Variants in EIF4G3 observed in about 807,000 individuals in gnomAD.
EIF4G3 encodes the protein eIF-4-gamma 3.
EIF4G3 carries 34 observed loss-of-function variants against 186.4 expected under a neutral mutation model. That is an observed-to-expected ratio of 0.18 (90% CI 0.14 to 0.24). The LOEUF is 0.24. Among genes scored for constraint, EIF4G3 ranks in the 10% least tolerant of loss-of-function variants. The pLI, the probability that EIF4G3 is intolerant of heterozygous loss-of-function variation, is 1.00. For synonymous variants in EIF4G3, 673 were observed against 679.5 expected, an observed-to-expected ratio of 0.99 and a Z score of 0.15; for missense variants, 1,536 against 1,948.5, an observed-to-expected ratio of 0.79 and a Z score of 3.99.
At chr1:21,095,918 T>C (rs962971715) in intron 2 of EIF4G3, among the ~76,000 whole-genome samples, 2 of 152,206 alleles carry the variant, frequency 1.3e-5, no homozygotes, top group East Asian at 1.9e-4. Flanking sequence ...GATATTCATA[T>C]GCAAAAATGA....
At chr1:20,901,374 T>C (rs775138079) in intron 15 of EIF4G3, among the ~76,000 whole-genome samples, 6 of 152,232 alleles carry the variant, frequency 3.9e-5, no homozygotes, top group East Asian at 3.9e-4. Context: ...GTACAGGTCA[T>C]CAAGAAGACA....
At chr1:20,972,972 A>G (rs776787480) in intron 11 of EIF4G3, 30 bp downstream of exon 11, 1 of 1,534,582 alleles carries the variant, frequency 6.5e-7, no homozygotes, top group South Asian at 1.2e-5. Context: ...TTTAGATTTA[A>G]AATAAGAAAA....
intron 14 of EIF4G3, among the ~76,000 whole-genome samples, chr1:20,931,444 G>A (rs537535854): frequency 5.4e-4 from 82 of 152,210 alleles, no homozygotes; most frequent in Non-Finnish European, 9.0e-4. Context: ...AGGCTTTGTG[G>A]CTCCATTTAT....
Position 21,158,075 on chromosome 1 carries a change from T to G in EIF4G3, c.-272+18100A>C, listed in dbSNP as rs898741828. On this transcript the variant is annotated intron_variant, in intron 2 of 36. Coordinates refer to ENST00000602326, the MANE Select transcript of EIF4G3 (RefSeq NM_001391906.1). ...AACTAATTTCACACTGGTGCCCTTA[T>G]GAACTGACCAAAGCCTTCAATGTCA... is the stretch of plus-strand genomic sequence containing the variant. 2.0e-5 allele frequency among the ~76,000 whole-genome samples: 3 copies of G among 152,040 alleles called. No individual in the cohort carries two copies. In the East Asian group the frequency reaches 5.8e-4, roughly 29 times the overall value.
At position 21,152,941 on chromosome 1, in the gene EIF4G3, T is replaced by C. The variant is rs1018731790; in HGVS notation, c.-272+23234A>G. On this transcript the variant is annotated intron_variant, in intron 2 of 36. Transcript: ENST00000602326. The stretch of plus-strand genomic sequence containing the variant: ...GTTCGAGGCTACAGTGAGCTGTGAC[T>C]GTATCTGTGAATAGCCACTGCACTC... Among the ~76,000 whole-genome samples the C allele has an allele frequency of 2.6e-5, 4 of 152,220 alleles. No individual in the cohort carries two copies. In the East Asian group the frequency reaches 7.7e-4, roughly 29 times the overall value.
Position 21,176,742 on chromosome 1 carries a change from T to C in EIF4G3, c.-476A>G, listed in dbSNP as rs1423582136. 3 of 696,290 alleles carry C rather than the reference T, an allele frequency of 4.3e-6. No individual in the cohort carries two copies. Among genetic ancestry groups the C allele is most frequent in the Non-Finnish European group, 7.8e-6 (3 of 382,416 alleles). 43.1% of individuals were successfully genotyped at this position (696,290 alleles called of 1,614,324 possible). On this transcript the variant is annotated 5_prime_UTR_variant, in exon 1 of 37. An upstream start codon of the reference 5' UTR is lost. Transcript: ENST00000602326. ...CGGACCTTTCACGGCAATATCCTCATGGGCCGGCGGCGGGGGATCTTTATC... is the reference window on the plus strand; with the variant it reads ...CGGACCTTTCACGGCAATATCCTCACGGGCCGGCGGCGGGGGATCTTTATC...
At chr1:21,003,665 C>T (rs751681822) in intron 4 of EIF4G3, 1 of 363,938 alleles carries the variant, frequency 2.7e-6, no homozygotes, top group Non-Finnish European at 5.3e-6. Flanking sequence ...GCAGATTATT[C>T]TGCCATTTTT....
In EIF4G3 at chr1:20,817,378, CAT is replaced by C; in HGVS notation, c.4515+12_4515+13del. On this transcript the variant is annotated intron_variant, in intron 34 of 36. Coordinates refer to ENST00000602326, the MANE Select transcript of EIF4G3 (RefSeq NM_001391906.1). The stretch of plus-strand genomic sequence containing the variant: ...CCTGTAGAGGTATCAGGGAAGGTGA[CAT>C]AGTCTTTATACCTCTACCCAGTCAA... 3 of 1,511,636 alleles carry C rather than the reference CAT, an allele frequency of 2.0e-6. No individual in the cohort carries two copies. Among genetic ancestry groups the C allele is most frequent in the Non-Finnish European group, 2.7e-6 (3 of 1,121,874 alleles). The allele number at this position is 1,511,636 out of a possible 1,614,324, so 93.6% of individuals were successfully genotyped here.
chr1:21,044,598 G>T (rs540254949), intron 4 of EIF4G3, among the ~76,000 whole-genome samples: 1 of 150,542 alleles, frequency 6.6e-6, no homozygotes, highest in African/African-American at 2.4e-5. Context: ...AGAAAAAAAA[G>T]CATATGTAGT....
chr1:21,170,817 A>T (rs1573760577), intron 2 of EIF4G3, among the ~76,000 whole-genome samples: 1 of 151,978 alleles, frequency 6.6e-6, no homozygotes. Context: ...GGCAAAATCC[A>T]TCTCTACTAA....
intron 2 of EIF4G3, among the ~76,000 whole-genome samples, chr1:21,161,293 C>A (rs963630842): frequency 1.3e-5 from 2 of 151,926 alleles, no homozygotes; most frequent in Non-Finnish European, 2.9e-5. Flanking sequence ...CACCTCAGGT[C>A]AGGAGTTCAA....
At chr1:20,914,524 C>A (rs1385921492) in intron 14 of EIF4G3, among the ~76,000 whole-genome samples, 2 of 152,110 alleles carry the variant, frequency 1.3e-5, no homozygotes, top group Non-Finnish European at 2.9e-5. Flanking sequence ...GAGTCACAGA[C>A]CTGATGACAC....
intron 2 of EIF4G3, among the ~76,000 whole-genome samples, chr1:21,089,662 A>G (rs1257983653): frequency 6.6e-6 from 1 of 151,966 alleles, no homozygotes; most frequent in African/African-American, 2.4e-5. Flanking sequence ...TGTGGTTGCC[A>G]GCACCTGTAG....
chr1:20,928,559 T>C (rs990924790), intron 14 of EIF4G3, among the ~76,000 whole-genome samples: 4 of 152,044 alleles, frequency 2.6e-5, no homozygotes, highest in Non-Finnish European at 5.9e-5. Flanking sequence ...TGCACCACCA[T>C]GCCTGGCTAT....
chr1:20,973,661 T>C (rs2076310654), intron 10 of EIF4G3, among the ~76,000 whole-genome samples: 1 of 152,200 alleles, frequency 6.6e-6, no homozygotes, highest in African/African-American at 2.4e-5. Context: ...AAAGTCCAGA[T>C]ACTTAGAATC....
intron 3 of EIF4G3, among the ~76,000 whole-genome samples, chr1:21,085,208 A>C (rs1340612243): frequency 6.6e-6 from 1 of 152,042 alleles, no homozygotes; most frequent in African/African-American, 2.4e-5. Flanking sequence ...GATTACTAGA[A>C]GTTTTCATTT....
At chr1:21,078,941 T>C (rs1270025824) in intron 3 of EIF4G3, among the ~76,000 whole-genome samples, 3 of 152,302 alleles carry the variant, frequency 2.0e-5, no homozygotes, top group East Asian at 3.9e-4. Flanking sequence ...GCTGAGATCA[T>C]GCCATTGCAC....
chr1:21,071,397 C>G (rs951368888), intron 3 of EIF4G3, among the ~76,000 whole-genome samples: 39 of 152,094 alleles, frequency 2.6e-4, no homozygotes, highest in African/African-American at 8.7e-4. Context: ...GCCTGGACAA[C>G]AGGGTGAGAA....
At chr1:21,107,848 C>A (rs1341436619) in intron 2 of EIF4G3, among the ~76,000 whole-genome samples, 1 of 152,148 alleles carries the variant, frequency 6.6e-6, no homozygotes, top group Non-Finnish European at 1.5e-5. Context: ...CCAGCTTATA[C>A]AAGTTATAAC....
Sources: gnomAD v4.1 joint callset for allele counts (sites outside exome capture counted in the v4.1 genomes callset) on GRCh38, gnomAD v4.1.1 for gene constraint, MANE v1.5 for transcripts, NCBI Gene and HGNC (gene_info 2026-07-23, HGNC 2026-07-21) for gene names.